PCDHGA8: variants seen among roughly 807,000 people sequenced by gnomAD.
PCDHGA8 encodes protocadherin gamma-A8.
A neutral mutation model predicts 59.2 loss-of-function variants in PCDHGA8; 45 were observed. The observed-to-expected ratio is 0.76, with a 90% CI of 0.60 to 0.98. The LOEUF is 0.98. Ranked by LOEUF, PCDHGA8 falls within the 50% of genes least tolerant of loss-of-function variation. PCDHGA8 has a pLI of 0.00. For synonymous variants in PCDHGA8, 531 were observed against 519.0 expected (o/e 1.02, Z -0.32); for missense variants, 1,257 against 1,196.2 (o/e 1.05, Z -0.75).
intron 1 of PCDHGA8, chr5:141,428,120 C>T (rs756805763): frequency 3.7e-6 from 6 of 1,606,528 alleles, no homozygotes; most frequent in East Asian, 4.5e-5. Flanking sequence ...CCATCGAGCC[C>T]GGGCTTTTCA....
chr5:141,478,660 T>C, intron 1 of PCDHGA8: 2 of 1,551,848 alleles, frequency 1.3e-6, no homozygotes, highest in Non-Finnish European at 1.7e-6. Flanking sequence ...TGGTGATGCA[T>C]TCACACTTTC....
chr5:141,392,775 A>G lies in PCDHGA8; in HGVS notation c.-39A>G. The G allele has an allele frequency of 6.6e-7, 1 of 1,524,280 alleles. No individual in the cohort carries two copies. The highest frequency in any genetic ancestry group is 8.8e-7 in the Non-Finnish European group (1 of 1,138,112). The allele number at this position is 1,524,280 out of a possible 1,614,324, so 94.4% of individuals were successfully genotyped here. On this transcript the variant is annotated 5_prime_UTR_variant, in exon 1 of 4. Coordinates refer to ENST00000398604, the MANE Select transcript of PCDHGA8 (RefSeq NM_032088.2). Reference sequence around the variant, plus strand: ...GAAACTAAATAAGACCCATTTATGCACAGTGAAGATTCTGAGAGGATTCTG... The same window carrying G: ...GAAACTAAATAAGACCCATTTATGCGCAGTGAAGATTCTGAGAGGATTCTG...
intron 1 of PCDHGA8, chr5:141,413,689 C>A: frequency 1.2e-6 from 2 of 1,613,800 alleles, no homozygotes; most frequent in Non-Finnish European, 1.7e-6. Flanking sequence ...GAACTCCCTG[C>A]AGAGCTATCA....
At chr5:141,419,187 C>G (rs1179461161) in intron 1 of PCDHGA8, 4 of 1,614,024 alleles carry the variant, frequency 2.5e-6, no homozygotes, top group Non-Finnish European at 2.5e-6. Context: ...CTGCACATTA[C>G]TGACGTCAAT....
chr5:141,400,858 G>A (rs1332975731), intron 1 of PCDHGA8, among the ~76,000 whole-genome samples: 1 of 152,108 alleles, frequency 6.6e-6, no homozygotes, highest in Non-Finnish European at 1.5e-5. Context: ...TTTATTGTAT[G>A]TAGATAAACC....
chr5:141,428,197 G>A, intron 1 of PCDHGA8: 3 of 1,385,968 alleles, frequency 2.2e-6, no homozygotes, highest in Non-Finnish European at 3.0e-6. Context: ...CGCTCTCTGC[G>A]CCGCTACGCT....
intron 1 of PCDHGA8, chr5:141,441,578 C>T (rs889509502): frequency 2.9e-5 from 6 of 207,738 alleles, no homozygotes; most frequent in Non-Finnish European, 5.9e-5. Flanking sequence ...CCAACCTAGA[C>T]TTGGGACCCA....
intron 1 of PCDHGA8, among the ~76,000 whole-genome samples, chr5:141,401,929 G>C (rs2094209014): frequency 6.6e-6 from 1 of 152,122 alleles, no homozygotes; most frequent in Non-Finnish European, 1.5e-5. Context: ...GTGATGCTTA[G>C]AATAATGTTT....
intron 1 of PCDHGA8, among the ~76,000 whole-genome samples, chr5:141,459,544 T>G (rs772982634): frequency 6.6e-6 from 1 of 152,246 alleles, no homozygotes; most frequent in Non-Finnish European, 1.5e-5. Flanking sequence ...TTTTTTTTAT[T>G]TCTCTTGGAT....
intron 1 of PCDHGA8, chr5:141,410,836 ATT>A (rs371761731): frequency 1.6e-5 from 4 of 254,870 alleles, no homozygotes; most frequent in African/African-American, 1.4e-4. Flanking sequence ...GACTGAAGAT[ATT>A]TTGTCTTTGT....
At chr5:141,420,250 A>G (rs757203976) in intron 1 of PCDHGA8, 2 of 1,578,784 alleles carry the variant, frequency 1.3e-6, no homozygotes, top group South Asian at 1.2e-5. Context: ...CCAGCGTTGA[A>G]GCAGATAAGA....
chr5:141,399,832 G>A, intron 1 of PCDHGA8: 1 of 1,613,152 alleles, frequency 6.2e-7, no homozygotes, highest in African/African-American at 1.3e-5. Flanking sequence ...CGACGGCTCT[G>A]CGCTCTTCGA....
rs1252377833 is a variant in PCDHGA8, at chr5:141,485,012, G to T, written c.2425-9795G>T. On this transcript the variant is annotated intron_variant, in intron 1 of 3. Coordinates refer to ENST00000398604, the MANE Select transcript of PCDHGA8 (RefSeq NM_032088.2). The surrounding 1 kb of genome is among the most constrained non-coding windows in gnomAD (Gnocchi z 5.7). Reference sequence around the variant, plus strand: ...GGTGAAAGGCAGACAAATCTACCCCGCCACCAGCAAAAACGGCGCGTAACC... The same window carrying T: ...GGTGAAAGGCAGACAAATCTACCCCTCCACCAGCAAAAACGGCGCGTAACC... The T allele has an allele frequency of 1.3e-5, 8 of 630,528 alleles. No individual in the cohort carries two copies. In the Admixed American group the frequency reaches 1.5e-4, roughly 12 times the overall value. 39.1% of individuals were successfully genotyped at this position (630,528 alleles called of 1,614,324 possible).
At chr5:141,484,908 G>T in intron 1 of PCDHGA8, 1 of 415,428 alleles carries the variant, frequency 2.4e-6, no homozygotes, top group East Asian at 4.2e-5. Context: ...ATGCTGCGAC[G>T]CATTAACCCT....
chr5:141,409,690 A>T (rs778962490), intron 1 of PCDHGA8: 1 of 1,613,354 alleles, frequency 6.2e-7, no homozygotes, highest in South Asian at 1.1e-5. Context: ...CGAGTGACCT[A>T]GAGCCCCTGG....
intron 1 of PCDHGA8, among the ~76,000 whole-genome samples, chr5:141,406,591 A>T (rs559975786): frequency 6.6e-6 from 1 of 152,164 alleles, no homozygotes; most frequent in African/African-American, 2.4e-5. Flanking sequence ...TTTCCCTTTA[A>T]TGGTGAAAGT....
At position 141,410,085 on chromosome 5, in the gene PCDHGA8, C is replaced by G; in HGVS notation, c.2424+14848C>G. 3 of 1,612,476 alleles carry G rather than the reference C, an allele frequency of 1.9e-6. No homozygotes were observed. In the South Asian group the frequency reaches 3.3e-5, roughly 18 times the overall value. On this transcript the variant is annotated intron_variant, in intron 1 of 3. Transcript: ENST00000398604. Reference sequence around the variant, plus strand: ...GGGCTGCGCACTGGGGAGGTGCGCACGGCTCGAGCCTTAGGCGACAGGGAC... The same window carrying G: ...GGGCTGCGCACTGGGGAGGTGCGCAGGGCTCGAGCCTTAGGCGACAGGGAC...
rs754836894 is a variant in PCDHGA8 at position 141,432,969 on chromosome 5, C to G, written c.2424+37732C>G. ...GGAGGCGGCTTGACAGGAGCGCCGG[C>G]GTCGCACTTTGTGGGCGTGGACGGG... On this transcript the variant is annotated intron_variant, in intron 1 of 3. Coordinates refer to ENST00000398604, the MANE Select transcript of PCDHGA8 (RefSeq NM_032088.2). The surrounding 1 kb of genome is among the most constrained non-coding windows in gnomAD (Gnocchi z 6.0). 5.0e-6 allele frequency: 8 copies of G among 1,614,030 alleles called. No homozygotes were observed. In the Admixed American group the frequency reaches 5.0e-5, roughly 10 times the overall value.
At position 141,486,811 on chromosome 5, in the gene PCDHGA8, C is replaced by A. The variant is rs2099635196; in HGVS notation, c.2425-7996C>A. On this transcript the variant is annotated intron_variant, in intron 1 of 3. Coordinates refer to ENST00000398604, the MANE Select transcript of PCDHGA8 (RefSeq NM_032088.2). The surrounding 1 kb of genome is among the most constrained non-coding windows in gnomAD (Gnocchi z 5.0). ...GGGATCGGGGCAACCCACCCCTTAG[C>A]AGCACTGTAACAGTTCGTCTATTTG... The A allele has an allele frequency of 1.2e-6, 2 of 1,614,124 alleles. No homozygotes were observed. The highest frequency in any genetic ancestry group is 2.2e-5 in the East Asian group (1 of 44,900).
Sources: gnomAD v4.1 joint callset for allele counts (sites outside exome capture counted in the v4.1 genomes callset) on GRCh38, gnomAD v4.1.1 for gene constraint, Gnocchi (gnomAD v3.1) non-coding constraint, MANE v1.5 for transcripts, NCBI Gene and HGNC (gene_info 2026-07-23, HGNC 2026-07-21) for gene names.